GOLM2: variants seen among roughly 807,000 people sequenced by gnomAD.
GOLM2 encodes protein GOLM2.
Under a neutral mutation model 55.9 loss-of-function variants are expected in GOLM2, and 26 were observed. That is an observed-to-expected ratio of 0.47 (90% CI 0.34 to 0.65). The LOEUF (loss-of-function observed/expected upper bound fraction) is 0.65. GOLM2 is among the 30% of genes least tolerant of loss of function. GOLM2 has a pLI of 0.01. For synonymous variants in GOLM2, 165 were observed against 194.6 expected, an observed-to-expected ratio of 0.85 and a Z score of 1.27; for missense variants, 486 against 531.8, an observed-to-expected ratio of 0.91 and a Z score of 0.85.
chr15:44,346,905 G>C (rs916107025), intron 6 of GOLM2, among the ~76,000 whole-genome samples: 2 of 152,152 alleles, frequency 1.3e-5, no homozygotes, highest in Non-Finnish European at 2.9e-5. Context: ...CTAGGCAAGA[G>C]GATTGCTTGA....
intron 1 of GOLM2, among the ~76,000 whole-genome samples, chr15:44,307,033 A>G (rs936413439): frequency 6.6e-6 from 1 of 152,142 alleles, no homozygotes; most frequent in Non-Finnish European, 1.5e-5. Flanking sequence ...AAAATGTGAC[A>G]TAGGGACATG....
At chr15:44,391,884 C>T (rs2079492553) in intron 8 of GOLM2, among the ~76,000 whole-genome samples, 2 of 152,066 alleles carry the variant, frequency 1.3e-5, no homozygotes, top group East Asian at 3.9e-4. Flanking sequence ...GAGTTTTGCT[C>T]TTGTTGCCCA....
intron 1 of GOLM2, among the ~76,000 whole-genome samples, chr15:44,297,476 A>T (rs2078764108): frequency 6.6e-6 from 1 of 150,952 alleles, no homozygotes; most frequent in Non-Finnish European, 1.5e-5. Context: ...TGTCATGTTA[A>T]TTCCTGTTTC....
At chr15:44,407,402 A>G (rs1025849879) in intron 9 of GOLM2, among the ~76,000 whole-genome samples, 1 of 151,308 alleles carries the variant, frequency 6.6e-6, no homozygotes, top group African/African-American at 2.4e-5. Context: ...AGTATCTGGG[A>G]CTACAGGCAT....
chr15:44,338,387 T>C, intron 6 of GOLM2, 70 bp downstream of exon 6: 1 of 1,170,814 alleles, frequency 8.5e-7, no homozygotes, highest in African/African-American at 1.5e-5. Context: ...CATTCTCTTT[T>C]TCGGTAACAC....
chr15:44,384,770 G>A (rs1377203417), intron 8 of GOLM2, among the ~76,000 whole-genome samples: 3 of 151,770 alleles, frequency 2.0e-5, no homozygotes, highest in Non-Finnish European at 4.4e-5. Flanking sequence ...TTAGCTGGGC[G>A]TGGTGGCGCA....
At chr15:44,348,276 A>T (rs997993500) in intron 6 of GOLM2, among the ~76,000 whole-genome samples, 1 of 151,550 alleles carries the variant, frequency 6.6e-6, no homozygotes, top group African/African-American at 2.4e-5. Context: ...TAGCTCCTGG[A>T]TGGTAGTTCT....
intron 1 of GOLM2, among the ~76,000 whole-genome samples, chr15:44,298,262 T>C (rs959756614): frequency 6.6e-6 from 1 of 151,128 alleles, no homozygotes; most frequent in East Asian, 1.9e-4. Context: ...TTCTTTTCTT[T>C]TTCTTTTTTT....
rs2078701352 is a variant in GOLM2 at position 44,289,085 on chromosome 15, T to A, written c.56T>A (p.Val19Glu). Reference protein sequence around the residue: ...RAGRLPSLVLVVLLVVIVVLA... With the variant: ...RAGRLPSLVLEVLLVVIVVLA... ...GGCCGCCTGCCCTCTCTCGTGCTGG[T>A]GGTGCTGCTGGTGGTGATCGTCGTC... The change falls in exon 1 of 10, where the codon GTG (valine) becomes GAG (glutamate). Residue 19 changes from valine (V) to glutamate (E), a missense_variant. Val to Glu is a moderately radical substitution (Grantham distance 121). Transcript: ENST00000299957. The surrounding 1 kb of genome is among the most constrained non-coding windows in gnomAD (Gnocchi z 4.8). 1.2e-6 allele frequency: 2 copies of A among 1,614,096 alleles called. No individual in the cohort carries two copies. Among genetic ancestry groups the A allele is most frequent in the Non-Finnish European group, 1.7e-6 (2 of 1,179,986 alleles).
At chr15:44,329,566 TGTGG>T (rs375249258) in intron 3 of GOLM2, among the ~76,000 whole-genome samples, 3 of 152,210 alleles carry the variant, frequency 2.0e-5, no homozygotes, top group African/African-American at 7.2e-5. Context: ...CTCTTCCAAT[TGTGG>T]GACCACAGTA....
intron 1 of GOLM2, among the ~76,000 whole-genome samples, chr15:44,299,850 A>T (rs567585067): frequency 3.2e-3 from 488 of 150,470 alleles, no homozygotes; most frequent in Middle Eastern, 6.9e-3. Flanking sequence ...TCATGCCTAT[A>T]ATCCCAGCAC....
At chr15:44,362,849 A>T (rs1357119911) in intron 6 of GOLM2, among the ~76,000 whole-genome samples, 2 of 152,258 alleles carry the variant, frequency 1.3e-5, no homozygotes, top group African/African-American at 4.8e-5. Flanking sequence ...ACAGAGATAG[A>T]GATCAATGGA....
At chr15:44,353,923 A>C (rs999009410) in intron 6 of GOLM2, among the ~76,000 whole-genome samples, 1 of 152,108 alleles carries the variant, frequency 6.6e-6, no homozygotes. Context: ...AAACACCTGA[A>C]AGAGTATAAT....
intron 2 of GOLM2, among the ~76,000 whole-genome samples, chr15:44,324,082 T>C (rs1300161916): frequency 6.6e-6 from 1 of 152,220 alleles, no homozygotes; most frequent in African/African-American, 2.4e-5. Flanking sequence ...GATGCCACAG[T>C]GTCAGTGCTG....
At chr15:44,392,585 T>C (rs2079498617) in intron 8 of GOLM2, among the ~76,000 whole-genome samples, 1 of 149,446 alleles carries the variant, frequency 6.7e-6, no homozygotes, top group Non-Finnish European at 1.5e-5. Context: ...ATTGTGCCAC[T>C]GCACTCCAGC....
intron 6 of GOLM2, among the ~76,000 whole-genome samples, chr15:44,345,004 G>A (rs1331599038): frequency 1.3e-5 from 2 of 151,122 alleles, no homozygotes; most frequent in Non-Finnish European, 2.9e-5. Context: ...ATACAGACGG[G>A]GTTTCACCAT....
In GOLM2 at chr15:44,402,122, A is replaced by AC. The variant is rs1296661952; in HGVS notation, c.1073-763dup. Among the ~76,000 whole-genome samples the AC allele has an allele frequency of 3.3e-5, 5 of 151,950 alleles. No individual in the cohort carries two copies. In the East Asian group the frequency reaches 9.7e-4, roughly 29 times the overall value. ...TGGGATTACAGGTGTGAGCCACTGC[A>AC]CCAGGCCTGTCTTCTTCATTTCTAA... On this transcript the variant is annotated intron_variant, in intron 8 of 9. Coordinates refer to ENST00000299957, the MANE Select transcript of GOLM2 (RefSeq NM_138423.4).
chr15:44,301,483 A>G (rs143918512), intron 1 of GOLM2, among the ~76,000 whole-genome samples: 1,579 of 152,340 alleles, frequency 0.01, 18 homozygotes, highest in Non-Finnish European at 0.016. Flanking sequence ...TGCTGCATGC[A>G]TATCACATAG....
intron 8 of GOLM2, among the ~76,000 whole-genome samples, chr15:44,387,858 T>G (rs1233952805): frequency 6.6e-6 from 1 of 152,176 alleles, no homozygotes; most frequent in Non-Finnish European, 1.5e-5. Context: ...TTTATTTGTA[T>G]ATATTCAAGC....
Sources: allele counts gnomAD v4.1 joint callset (sites outside exome capture counted in the v4.1 genomes callset), GRCh38; gene constraint gnomAD v4.1.1; non-coding constraint Gnocchi (gnomAD v3.1); transcripts MANE v1.5; gene names NCBI Gene and HGNC (gene_info 2026-07-23, HGNC 2026-07-21).